The following ANXA5 variants were observed in gnomAD, a reference collection of about 807,000 sequenced individuals.
The protein encoded by ANXA5 is CBP-I.
A neutral mutation model predicts 48.1 loss-of-function variants in ANXA5; 40 were observed. The observed-to-expected ratio is 0.83, with a 90% confidence interval of 0.65 to 1.08. The LOEUF (loss-of-function observed/expected upper bound fraction) is 1.08. Among genes scored for constraint, ANXA5 ranks in the 50% least tolerant of loss-of-function variants. The probability of loss-of-function intolerance (pLI) is 0.00; values close to 1 mark genes in which losing one functional copy is unlikely to be tolerated. For missense variants in ANXA5, 357 were observed against 376.8 expected, an observed-to-expected ratio of 0.95 and a Z score of 0.44; for synonymous variants, 113 against 129.1, an observed-to-expected ratio of 0.88 and a Z score of 0.85.
intron 4 of ANXA5, among the ~76,000 whole-genome samples, chr4:121,683,899 T>C (rs560771228): frequency 2.0e-4 from 30 of 152,210 alleles, no homozygotes; most frequent in African/African-American, 7.0e-4. Flanking sequence ...CAATATGTAA[T>C]AACATTCAAA....
At position 121,678,481 on chromosome 4, in the gene ANXA5, G is replaced by C; in HGVS notation, c.408C>G (p.Ser136Arg). The change falls in exon 7 of 13, where the codon AGC becomes AGG. Residue 136 changes from serine (S) to arginine (R), a missense_variant. Ser to Arg is a moderately radical substitution (Grantham distance 110). Transcript: ENST00000296511. ...KQVYEEEYGS[S>R]LEDDVVGDTS... ...TGTCCCCCACCACGTCATCTTCCAG[G>C]CTTGAGCCATATTCTGCAACAAAAT... 6.2e-7 allele frequency: 1 copy of C among 1,613,384 alleles called. No homozygotes were observed. The highest frequency in any genetic ancestry group is 1.1e-5 in the South Asian group (1 of 90,916).
At chr4:121,683,206 C>T (rs1371254311) in intron 5 of ANXA5, among the ~76,000 whole-genome samples, 158 bp downstream of exon 5, 1 of 152,040 alleles carries the variant, frequency 6.6e-6, no homozygotes, top group Non-Finnish European at 1.5e-5. Context: ...AATTTTCTCC[C>T]TCCTTTACTG....
rs1724575405 is a variant in ANXA5 at position 121,669,480 on chromosome 4, C to G, written c.903+122G>C. The G allele has an allele frequency of 3.3e-6, 4 of 1,219,374 alleles. No individual in the cohort carries two copies. The Admixed American group carries it at 6.2e-5, about 19-fold the overall frequency. 75.5% of individuals were successfully genotyped at this position (1,219,374 alleles called of 1,614,324 possible). On this transcript the variant is annotated intron_variant, in intron 12 of 12. Transcript: ENST00000296511. Reference sequence around the variant, plus strand: ...ATGCTAAGCTTTTTAACTCATTGCTCTAATCGTGTCACTAAAATTTTAAAC... The same window carrying G: ...ATGCTAAGCTTTTTAACTCATTGCTGTAATCGTGTCACTAAAATTTTAAAC...
At chr4:121,685,067 T>C (rs1469094050) in intron 3 of ANXA5, among the ~76,000 whole-genome samples, 2 of 147,778 alleles carry the variant, frequency 1.4e-5, no homozygotes, top group African/African-American at 5.1e-5. Context: ...CACACATATA[T>C]ATATACACAC....
chr4:121,672,742 T>G, intron 8 of ANXA5, 116 bp from the exon 9 acceptor site: 3 of 734,504 alleles, frequency 4.1e-6, no homozygotes, highest in Non-Finnish European at 6.9e-6. Context: ...CATCTTGTAT[T>G]AATAGTTTTC....
At chr4:121,696,841 T>A in intron 1 of ANXA5, 22 bp downstream of exon 1, 1 of 354,382 alleles carries the variant, frequency 2.8e-6, no homozygotes. Context: ...AGGAGCCCCC[T>A]CCCCGGGCTG....
chr4:121,690,718 G>A (rs1724969360), intron 2 of ANXA5, among the ~76,000 whole-genome samples: 1 of 152,196 alleles, frequency 6.6e-6, no homozygotes, highest in Non-Finnish European at 1.5e-5. Flanking sequence ...ACCAGAGACT[G>A]AAGGAAATTA....
At chr4:121,688,145 A>C (rs1302897445) in intron 2 of ANXA5, among the ~76,000 whole-genome samples, 1 of 152,078 alleles carries the variant, frequency 6.6e-6, no homozygotes, top group East Asian at 1.9e-4. Flanking sequence ...AGGCTACAAT[A>C]ATGTCTAGAA....
rs892347813 is a variant in ANXA5 at position 121,688,384 on chromosome 4, G to A, written c.10-2012C>T. Among the ~76,000 whole-genome samples the A allele has an allele frequency of 3.9e-5, 6 of 152,036 alleles. No individual in the cohort carries two copies. The South Asian group carries it at 8.3e-4, about 21-fold the overall frequency. ...GAATCCTATTAAGTCAGTTTAGCAC[G>A]AGTCCCCCTAACTTGATGTTTCCTG... On this transcript the variant is annotated intron_variant, in intron 2 of 12. Coordinates refer to ENST00000296511, the MANE Select transcript of ANXA5 (RefSeq NM_001154.4).
intron 2 of ANXA5, among the ~76,000 whole-genome samples, chr4:121,693,783 C>T (rs965403225): frequency 2.6e-5 from 4 of 152,136 alleles, no homozygotes; most frequent in Non-Finnish European, 4.4e-5. Context: ...AAACAGGTAA[C>T]CCTGATCTAA....
At chr4:121,676,814 T>C (rs1307576941) in intron 8 of ANXA5, among the ~76,000 whole-genome samples, 5 of 152,042 alleles carry the variant, frequency 3.3e-5, no homozygotes, top group African/African-American at 4.8e-5. Context: ...TGAGAGAGGC[T>C]GGAGGCATAA....
At chr4:121,696,407 A>T (rs1431548292) in intron 2 of ANXA5, among the ~76,000 whole-genome samples, 174 bp downstream of exon 2, 3 of 152,116 alleles carry the variant, frequency 2.0e-5, no homozygotes, top group Admixed American at 1.3e-4. Context: ...GAACCGGGAC[A>T]CAGAAACGGG....
rs367758786 is a variant in ANXA5, at chr4:121,696,622, G to A, written c.-33C>T. 8 of 1,396,926 alleles carry A rather than the reference G, an allele frequency of 5.7e-6. No homozygotes were observed. In the East Asian group the frequency reaches 8.1e-5, roughly 14 times the overall value. 86.5% of individuals were successfully genotyped at this position (1,396,926 alleles called of 1,614,324 possible). A position where few individuals can be genotyped will look rare whatever the true frequency, so the allele number is the denominator to read the frequency against. ...ACTCAGGTCAGGGGAAGGTGAAGCA[G>A]GACTGCAAAAGAGAAGAAACCTCGG... On this transcript the variant is annotated splice_region_variant and 5_prime_UTR_variant, in exon 2 of 13. Coordinates refer to ENST00000296511, the MANE Select transcript of ANXA5 (RefSeq NM_001154.4).
chr4:121,683,339 T>C, intron 5 of ANXA5, 25 bp downstream of exon 5: 2 of 1,407,482 alleles, frequency 1.4e-6, no homozygotes, highest in Non-Finnish European at 2.0e-6. Flanking sequence ...TATGCAAGAA[T>C]GTTCCTTTCA....
intron 11 of ANXA5, 73 bp from the exon 12 acceptor site, chr4:121,669,797 G>A (rs371782728): frequency 1.7e-5 from 26 of 1,542,412 alleles, no homozygotes; most frequent in African/African-American, 1.4e-4. Flanking sequence ...GCTCCCGGGT[G>A]CGGGTGAATC....
chr4:121,686,854 A>C, intron 2 of ANXA5, among the ~76,000 whole-genome samples: 1 of 152,242 alleles, frequency 6.6e-6, no homozygotes. Context: ...GCAAAGCCTG[A>C]AATGATCGTT....
At position 121,684,756 on chromosome 4, in the gene ANXA5, C is replaced by A. The variant is rs1724851403; in HGVS notation, c.110G>T (p.Ser37Ile). Residue 37 changes from serine (S) to isoleucine (I), a missense_variant, in exon 4 of 13, where the codon AGC (serine) becomes ATC (isoleucine). By Grantham distance (142) the Ser-to-Ile change is moderately radical. Transcript: ENST00000296511. ...AMKGLGTDEE[S>I]ILTLLTSRSN... Reference sequence around the variant, plus strand: ...TCGGGATGTCAACAGAGTCAGGATGCTCTCCTCATCTGTGCCTGCAATTTA... The same window carrying A: ...TCGGGATGTCAACAGAGTCAGGATGATCTCCTCATCTGTGCCTGCAATTTA... 1 of 1,613,812 alleles carries A rather than the reference C, an allele frequency of 6.2e-7. No homozygotes were observed. Among genetic ancestry groups the A allele is most frequent in the East Asian group, 2.2e-5 (1 of 44,868 alleles).
At chr4:121,669,333 T>A in intron 12 of ANXA5, 4 of 336,792 alleles carry the variant, frequency 1.2e-5, no homozygotes, top group South Asian at 6.8e-5. Context: ...AGGCAAGGGG[T>A]TTGGTTTGTT....
At chr4:121,680,508 C>A (rs974483031) in intron 6 of ANXA5, among the ~76,000 whole-genome samples, 2 of 152,178 alleles carry the variant, frequency 1.3e-5, no homozygotes, top group African/African-American at 4.8e-5. Flanking sequence ...TGTCATGTCA[C>A]CCACTGAGGA....
Sources: gnomAD v4.1 joint callset for allele counts (sites outside exome capture counted in the v4.1 genomes callset) on GRCh38, gnomAD v4.1.1 for gene constraint, MANE v1.5 for transcripts, NCBI Gene and HGNC (gene_info 2026-07-23, HGNC 2026-07-21) for gene names.